GATAD2A: variants seen among roughly 807,000 people sequenced by gnomAD.
The protein encoded by GATAD2A is transcriptional repressor p66-alpha.
A neutral mutation model predicts 68.5 loss-of-function variants in GATAD2A; 12 were observed. The observed-to-expected ratio is 0.18, with a 90% CI of 0.11 to 0.28. GATAD2A has a LOEUF of 0.28. GATAD2A is among the 10% of genes least tolerant of loss of function. GATAD2A has a pLI of 1.00. For missense variants in GATAD2A, 755 were observed against 868.5 expected, an observed-to-expected ratio of 0.87 and a Z score of 1.64; for synonymous variants, 410 against 375.3, an observed-to-expected ratio of 1.09 and a Z score of -1.07.
chr19:19,436,406 G>A (rs2054351672), intron 1 of GATAD2A, among the ~76,000 whole-genome samples: 1 of 152,196 alleles, frequency 6.6e-6, no homozygotes, highest in African/African-American at 2.4e-5. Context: ...GTCCCTTCAG[G>A]CCTCAGGGAA....
rs76651059 is a variant in GATAD2A at position 19,481,351 on chromosome 19, G to A, written c.270-10955G>A. ...GGTTTGTTTCTTTCCTTTTTTAAAA[G>A]ACAGGGTCTTGCTCTGTCTCCCAAA... On this transcript the variant is annotated intron_variant, in intron 2 of 11. Transcript: ENST00000683918. Among the ~76,000 whole-genome samples, 125 of 152,290 alleles carry A rather than the reference G, an allele frequency of 8.2e-4. No homozygotes were observed. In the Middle Eastern group the frequency reaches 0.014, roughly 17 times the overall value.
At chr19:19,496,558 C>T (rs1342026664) in intron 7 of GATAD2A, among the ~76,000 whole-genome samples, 10 of 152,218 alleles carry the variant, frequency 6.6e-5, no homozygotes, top group Admixed American at 5.9e-4. Context: ...GGGGGATAGT[C>T]GAGGCCCAGG....
chr19:19,404,732 T>A (rs1348814853), upstream of GATAD2A, among the ~76,000 whole-genome samples: 2 of 152,142 alleles, frequency 1.3e-5, no homozygotes, highest in African/African-American at 2.4e-5. Flanking sequence ...AAATTTATGT[T>A]TGGTGAAACT....
intron 1 of GATAD2A, among the ~76,000 whole-genome samples, chr19:19,428,236 C>T (rs182668396): frequency 1.3e-5 from 2 of 152,298 alleles, no homozygotes; most frequent in African/African-American, 4.8e-5. Flanking sequence ...GTGTCATCTG[C>T]ACGTAGACAT....
chr19:19,424,455 C>A (rs913776971), intron 1 of GATAD2A, among the ~76,000 whole-genome samples: 1 of 152,096 alleles, frequency 6.6e-6, no homozygotes, highest in Admixed American at 6.5e-5. Flanking sequence ...GTCTTGAACT[C>A]CTGAGATCAA....
Position 19,501,347 on chromosome 19 carries a change from G to A in GATAD2A, c.1434G>A (p.Leu478=), listed in dbSNP as rs1377488811. ...QQEQEIEQRL[L]QQGTAPAQAK... is the part of the protein sequence containing the mutation. ...AACAGGAGATTGAGCAGCGGCTCCTGCAGCAGGGCACGGCCCCTGCACAGG... is the reference window on the plus strand; with the variant it reads ...AACAGGAGATTGAGCAGCGGCTCCTACAGCAGGGCACGGCCCCTGCACAGG... Residue 478 remains leucine (L), a synonymous_variant, in exon 9 of 12, where the codon CTG becomes CTA. Coordinates refer to ENST00000683918, the MANE Select transcript of GATAD2A (RefSeq NM_001384528.1). 2 of 1,612,142 alleles carry A rather than the reference G, an allele frequency of 1.2e-6. No homozygotes were observed. Among genetic ancestry groups the A allele is most frequent in the Non-Finnish European group, 8.5e-7 (1 of 1,179,628 alleles).
chr19:19,415,300 G>A (rs1316663560), intron 1 of GATAD2A, among the ~76,000 whole-genome samples: 3 of 151,412 alleles, frequency 2.0e-5, no homozygotes, highest in Non-Finnish European at 2.9e-5. Context: ...TTACAGGCAT[G>A]TGTCACCATA....
intron 1 of GATAD2A, among the ~76,000 whole-genome samples, chr19:19,451,039 ATAT>A (rs1324726039): frequency 1.3e-5 from 2 of 151,338 alleles, no homozygotes; most frequent in Admixed American, 6.6e-5. Context: ...CAAAATGCTG[ATAT>A]TATAGGCGTG....
chr19:19,436,443 A>G (rs939948620), intron 1 of GATAD2A, among the ~76,000 whole-genome samples: 1 of 152,230 alleles, frequency 6.6e-6, no homozygotes, highest in African/African-American at 2.4e-5. Flanking sequence ...TTGGTCATTC[A>G]TTTGAAAACC....
At chr19:19,470,875 G>T (rs1366633382) in intron 2 of GATAD2A, among the ~76,000 whole-genome samples, 2 of 152,166 alleles carry the variant, frequency 1.3e-5, no homozygotes, top group East Asian at 1.9e-4. Flanking sequence ...TAAACTTACC[G>T]TATGACTTAG....
chr19:19,441,010 TC>T (rs1192356518), intron 1 of GATAD2A, among the ~76,000 whole-genome samples: 2 of 145,386 alleles, frequency 1.4e-5, no homozygotes, highest in Non-Finnish European at 1.5e-5. Context: ...TTCCCTTCCT[TC>T]CCTTCCTTCC....
rs1438261712 is a variant in GATAD2A, at chr19:19,506,164, G to A, written c.*690G>A. 5.0e-5 allele frequency: 20 copies of A among 398,784 alleles called. No individual in the cohort carries two copies. The highest frequency in any genetic ancestry group is 2.6e-4 in the Admixed American group (6 of 22,726). The allele number at this position is 398,784 out of a possible 1,614,324, so 24.7% of individuals were successfully genotyped here. On this transcript the variant is annotated 3_prime_UTR_variant, in exon 12 of 12. Coordinates refer to ENST00000683918, the MANE Select transcript of GATAD2A (RefSeq NM_001384528.1). ...CTGACTGACAGATGCAGGGATGGCC[G>A]AGGCAGCCCTCGCTCCAGCTGAACG... is the stretch of plus-strand genomic sequence containing the variant.
chr19:19,395,132 G>A (rs1373654721), intron 1 of GATAD2A, among the ~76,000 whole-genome samples: 2 of 152,192 alleles, frequency 1.3e-5, no homozygotes, highest in African/African-American at 4.8e-5. Flanking sequence ...CTTACAGGCT[G>A]AGTTCTTGGG....
intron 1 of GATAD2A, among the ~76,000 whole-genome samples, chr19:19,406,821 G>A (rs1401321299): frequency 7.9e-5 from 12 of 152,190 alleles, no homozygotes; most frequent in African/African-American, 2.9e-4. Flanking sequence ...TGGATTGTGC[G>A]CACACTGGGA....
chr19:19,457,573 T>C (rs1239634705), intron 1 of GATAD2A, among the ~76,000 whole-genome samples: 5 of 151,978 alleles, frequency 3.3e-5, no homozygotes, highest in African/African-American at 1.2e-4. Context: ...ACCCTGTCTC[T>C]ACTAAAAAAT....
intron 1 of GATAD2A, among the ~76,000 whole-genome samples, chr19:19,393,367 G>A (rs1034184228): frequency 6.6e-6 from 1 of 152,050 alleles, no homozygotes; most frequent in Admixed American, 6.6e-5. Context: ...GTGGCCATAA[G>A]ATATGGTGTA....
intron 1 of GATAD2A, among the ~76,000 whole-genome samples, chr19:19,420,307 G>A (rs2052230677): frequency 7.0e-6 from 1 of 141,992 alleles, no homozygotes; most frequent in African/African-American, 2.6e-5. Context: ...ACAGGCGAGA[G>A]CCGTCGCGCC....
rs1302797031 is a variant in GATAD2A, at chr19:19,405,877, G to C, written c.-149G>C. On this transcript the variant is annotated 5_prime_UTR_variant, in exon 1 of 12. Transcript: ENST00000683918. Reference sequence around the variant, plus strand: ...GGCGGACCGGCGCAGCGAGCGCCGCGGGCCCGGGCGGCCCCACAGGCGGAA... The same window carrying C: ...GGCGGACCGGCGCAGCGAGCGCCGCCGGCCCGGGCGGCCCCACAGGCGGAA... The C allele has an allele frequency of 6.8e-6, 1 of 145,988 alleles. No individual in the cohort carries two copies. The highest frequency in any genetic ancestry group is 2.5e-5 in the African/African-American group (1 of 40,730). The allele number at this position is 145,988 out of a possible 1,614,324, so 9.0% of individuals were successfully genotyped here. A position where few individuals can be genotyped will look rare whatever the true frequency, so the allele number is the denominator to read the frequency against.
At chr19:19,453,456 C>T (rs2056593655) in intron 1 of GATAD2A, among the ~76,000 whole-genome samples, 2 of 152,124 alleles carry the variant, frequency 1.3e-5, no homozygotes, top group Admixed American at 1.3e-4. Flanking sequence ...AAGAGTTAAC[C>T]TTGAGTCCTT....
Sources: allele counts gnomAD v4.1 joint callset (sites outside exome capture counted in the v4.1 genomes callset), GRCh38; gene constraint gnomAD v4.1.1; transcripts MANE v1.5; gene names NCBI Gene and HGNC (gene_info 2026-07-23, HGNC 2026-07-21).